The following NXN variants were observed in gnomAD, a reference collection of about 807,000 sequenced individuals.
NXN encodes nucleoredoxin 1.
In NXN, 16 loss-of-function variants were observed where a neutral mutation model predicts 48.6. The observed-to-expected ratio is 0.33, with a 90% CI of 0.22 to 0.50. NXN has a LOEUF of 0.50. NXN is among the 20% of genes least tolerant of loss of function. NXN has a pLI of 0.98. For synonymous variants in NXN, 281 were observed against 269.6 expected, an observed-to-expected ratio of 1.04 and a Z score of -0.41; for missense variants, 492 against 605.5, an observed-to-expected ratio of 0.81 and a Z score of 1.97.
At chr17:841,086 T>G (rs948147377) in intron 1 of NXN, among the ~76,000 whole-genome samples, 3 of 152,184 alleles carry the variant, frequency 2.0e-5, no homozygotes, top group African/African-American at 7.2e-5. Flanking sequence ...CTCACTCTCT[T>G]CAGCTGCAGA....
chr17:895,784 C>G (rs976850064), intron 1 of NXN, among the ~76,000 whole-genome samples: 6 of 4,938 alleles, frequency 1.2e-3, no homozygotes, highest in Admixed American at 6.2e-3. Context: ...CACCACTGCA[C>G]TCCAGCCTGG....
chr17:827,679 C>G (rs1427624929), intron 1 of NXN, among the ~76,000 whole-genome samples: 3 of 152,212 alleles, frequency 2.0e-5, no homozygotes, highest in African/African-American at 7.2e-5. Flanking sequence ...CCAGAAAAGA[C>G]AGAAGCAGGG....
chr17:918,914 C>A (rs2068717432), intron 1 of NXN, among the ~76,000 whole-genome samples: 1 of 150,920 alleles, frequency 6.6e-6, no homozygotes, highest in African/African-American at 2.4e-5. Flanking sequence ...AAAAATGTCT[C>A]TGCAGCCAGG....
chr17:906,669 T>C (rs4968065), intron 1 of NXN, among the ~76,000 whole-genome samples: 89,111 of 150,530 alleles, frequency 0.59, 26,979 homozygotes, highest in Middle Eastern at 0.73. Flanking sequence ...CGGGTTCAAG[T>C]GATTCTCCTG....
chr17:974,415 G>A (rs2069432590), intron 1 of NXN, among the ~76,000 whole-genome samples: 1 of 152,004 alleles, frequency 6.6e-6, no homozygotes, highest in Non-Finnish European at 1.5e-5. Flanking sequence ...TTACAGTTCA[G>A]TAATGTGATA....
intron 5 of NXN, among the ~76,000 whole-genome samples, chr17:812,917 G>A (rs1184466740): frequency 1.4e-5 from 2 of 147,182 alleles, no homozygotes; most frequent in Non-Finnish European, 1.5e-5. Flanking sequence ...TGTGACTGTA[G>A]GTGTGTGCGT....
chr17:812,394 G>C (rs1184077825), intron 5 of NXN, among the ~76,000 whole-genome samples: 2 of 152,206 alleles, frequency 1.3e-5, no homozygotes, highest in Admixed American at 6.5e-5. Flanking sequence ...GCACTGCTCT[G>C]TGAAGGAATC....
In NXN at chr17:912,649, G is replaced by GA. The variant is rs200084944; in HGVS notation, c.360+66669dup. Reference sequence around the variant, plus strand: ...ATTTTAAAAGCTCTTTATGCATTAAGAAAAAAAACAGGCCAGTGGGCAGTG... The same window carrying GA: ...ATTTTAAAAGCTCTTTATGCATTAAGAAAAAAAAACAGGCCAGTGGGCAGTG... On this transcript the variant is annotated intron_variant, in intron 1 of 7. Coordinates refer to ENST00000336868, the MANE Select transcript of NXN (RefSeq NM_022463.5). Among the ~76,000 whole-genome samples, 1,085 of 151,680 alleles carry GA rather than the reference G, an allele frequency of 7.2e-3. 13 individuals carry two copies. The highest frequency in any genetic ancestry group is 0.025 in the African/African-American group (1,018 of 41,396).
intron 1 of NXN, among the ~76,000 whole-genome samples, chr17:911,921 C>T (rs974673978): frequency 6.6e-6 from 1 of 150,876 alleles, no homozygotes. Flanking sequence ...AACTTCCAGA[C>T]GATATTCATG....
At chr17:952,222 ACGGACGG>A (rs2069121143) in intron 1 of NXN, among the ~76,000 whole-genome samples, 3 of 106,876 alleles carry the variant, frequency 2.8e-5, no homozygotes, top group African/African-American at 1.0e-4. Context: ...GGCAGGTACC[ACGGACGG>A]TCACACTGTG....
chr17:863,729 G>T (rs532568444), intron 1 of NXN, among the ~76,000 whole-genome samples: 2 of 152,064 alleles, frequency 1.3e-5, no homozygotes, highest in Admixed American at 1.3e-4. Context: ...TCCCATAGTG[G>T]TGGGATTACA....
intron 1 of NXN, among the ~76,000 whole-genome samples, chr17:912,098 C>T (rs1194136095): frequency 3.3e-5 from 5 of 151,908 alleles, no homozygotes; most frequent in East Asian, 1.9e-4. Context: ...CTACCACGCA[C>T]GGCTAATTTT....
chr17:819,237 T>C (rs537677919), intron 5 of NXN: 1 of 591,848 alleles, frequency 1.7e-6, no homozygotes, highest in Non-Finnish European at 3.1e-6. Flanking sequence ...TGAGCTGCCA[T>C]GCCCGGCCTG....
chr17:902,142 A>C (rs1567855689), intron 1 of NXN, among the ~76,000 whole-genome samples: 1 of 152,152 alleles, frequency 6.6e-6, no homozygotes, highest in South Asian at 2.1e-4. Flanking sequence ...TCAGGACTGA[A>C]CCTGATACCA....
At chr17:888,697 G>A (rs1019284606) in intron 1 of NXN, among the ~76,000 whole-genome samples, 1 of 151,918 alleles carries the variant, frequency 6.6e-6, no homozygotes, top group Non-Finnish European at 1.5e-5. Context: ...GCTCGCACCT[G>A]TAATCCCAGC....
intron 1 of NXN, among the ~76,000 whole-genome samples, chr17:895,688 G>C: frequency 6.6e-6 from 1 of 150,976 alleles, no homozygotes; most frequent in Non-Finnish European, 1.5e-5. Context: ...CGTGGTGGTG[G>C]GCACCTGTAG....
Position 961,901 on chromosome 17 carries a change from G to A in NXN, c.360+17418C>T, listed in dbSNP as rs141858301. 1.8e-4 allele frequency among the ~76,000 whole-genome samples: 28 copies of A among 152,250 alleles called. No homozygotes were observed. The East Asian group carries it at 5.2e-3, about 28-fold the overall frequency. On this transcript the variant is annotated intron_variant, in intron 1 of 7. Transcript: ENST00000336868. ...TGTAATCCCAACACTTTGCCAGGTGGAGGCGGGTGGATCACCTGAGGTCAG... is the reference window on the plus strand; with the variant it reads ...TGTAATCCCAACACTTTGCCAGGTGAAGGCGGGTGGATCACCTGAGGTCAG...
intron 1 of NXN, among the ~76,000 whole-genome samples, chr17:827,131 G>C (rs1450886239): frequency 6.6e-6 from 1 of 152,090 alleles, no homozygotes; most frequent in African/African-American, 2.4e-5. Context: ...ATCACCTGAG[G>C]TCAGGAGTTC....
intron 1 of NXN, among the ~76,000 whole-genome samples, chr17:838,480 G>A (rs569959663): frequency 2.0e-5 from 3 of 152,282 alleles, no homozygotes; most frequent in East Asian, 1.9e-4. Context: ...GCTGGGCTTT[G>A]CAACCCGACA....
Sources: gnomAD v4.1 joint callset for allele counts (sites outside exome capture counted in the v4.1 genomes callset) on GRCh38, gnomAD v4.1.1 for gene constraint, MANE v1.5 for transcripts, NCBI Gene and HGNC (gene_info 2026-07-23, HGNC 2026-07-21) for gene names.